The following CLMP variants were observed in gnomAD, a reference collection of about 807,000 sequenced individuals.
CLMP encodes CXADR like cell adhesion molecule, also known as CXADR-like membrane protein.
In CLMP, 27 loss-of-function variants were observed where a neutral mutation model predicts 45.2. That is an observed-to-expected ratio of 0.60 (90% CI 0.44 to 0.82). The LOEUF is 0.82. Among genes scored for constraint, CLMP ranks in the 40% least tolerant of loss-of-function variants. CLMP has a pLI of 0.00. For missense variants in CLMP, 403 were observed against 448.4 expected, an observed-to-expected ratio of 0.90 and a Z score of 0.91; for synonymous variants, 167 against 171.4, an observed-to-expected ratio of 0.97 and a Z score of 0.20.
chr11:123,181,946 C>T (rs539918507), intron 1 of CLMP, among the ~76,000 whole-genome samples: 2 of 152,296 alleles, frequency 1.3e-5, no homozygotes, highest in South Asian at 4.1e-4. Context: ...TTTGGGCTCC[C>T]TACTGGGCAT....
At chr11:123,080,726 A>G (rs1865794970) in intron 5 of CLMP, among the ~76,000 whole-genome samples, 1 of 152,262 alleles carries the variant, frequency 6.6e-6, no homozygotes, top group Non-Finnish European at 1.5e-5. Flanking sequence ...ATATAAATAC[A>G]TAATAAAGAA....
intron 2 of CLMP, among the ~76,000 whole-genome samples, chr11:123,085,684 A>G (rs1164485219): frequency 6.6e-6 from 1 of 150,970 alleles, no homozygotes; most frequent in Non-Finnish European, 1.5e-5. Flanking sequence ...GACAGAACTC[A>G]CAGTTACCCC....
chr11:123,188,532 G>A (rs140797577), intron 1 of CLMP, among the ~76,000 whole-genome samples: 21 of 151,526 alleles, frequency 1.4e-4, no homozygotes, highest in Non-Finnish European at 2.2e-4. Flanking sequence ...CCTTGCTGCC[G>A]CTCTTTACAA....
chr11:123,189,607 T>C (rs933710085), intron 1 of CLMP, among the ~76,000 whole-genome samples: 25 of 152,140 alleles, frequency 1.6e-4, no homozygotes, highest in Admixed American at 5.9e-4. Context: ...AATATATACA[T>C]CTCATATTTC....
intron 5 of CLMP, 118 bp from the exon 6 acceptor site, chr11:123,074,961 T>TTTG (rs1865719792): frequency 1.8e-6 from 2 of 1,099,920 alleles, no homozygotes; most frequent in African/African-American, 4.5e-5. Flanking sequence ...TTTGTTTTGT[T>TTTG]TTTTTTTTTT....
At chr11:123,088,580 G>A (rs971689321) in intron 2 of CLMP, among the ~76,000 whole-genome samples, 21 of 151,904 alleles carry the variant, frequency 1.4e-4, no homozygotes, top group African/African-American at 5.1e-4. Flanking sequence ...TTGACAGGTG[G>A]GTGACCTTTT....
intron 1 of CLMP, among the ~76,000 whole-genome samples, chr11:123,118,942 TTTCTTTCTTTCTTTCTTTC>T (rs1860756945): frequency 1.9e-4 from 3 of 16,188 alleles, no homozygotes; most frequent in Non-Finnish European, 3.9e-4. Flanking sequence ...TCTTTCTTTC[TTTCTTTCTTTCTTTCTTTC>T]TTTCTTTCTT....
chr11:123,126,444 G>A (rs1218988704), intron 1 of CLMP, among the ~76,000 whole-genome samples: 1 of 152,020 alleles, frequency 6.6e-6, no homozygotes, highest in Non-Finnish European at 1.5e-5. Flanking sequence ...TTTTTGTAGA[G>A]ACGGGAGTCT....
At position 123,071,434 on chromosome 11, in the gene CLMP, C is replaced by CA. The variant is rs904481295; in HGVS notation, c.*2039dup. 15 of 146,538 alleles carry CA rather than the reference C, an allele frequency of 1.0e-4. No homozygotes were observed. The highest frequency in any genetic ancestry group is 1.8e-4 in the African/African-American group (7 of 39,824). 9.1% of individuals were successfully genotyped at this position (146,538 alleles called of 1,614,324 possible). A position where few individuals can be genotyped will look rare whatever the true frequency, so the allele number is the denominator to read the frequency against. On this transcript the variant is annotated 3_prime_UTR_variant, in exon 7 of 7. Transcript: ENST00000448775. ...GCGTGATGAGAGCAAGACTGCATCTCAAAAAAAAAAGTATTCTGAGCCAGG... is the reference window on the plus strand; with the variant it reads ...GCGTGATGAGAGCAAGACTGCATCTCAAAAAAAAAAAGTATTCTGAGCCAGG...
chr11:123,136,206 C>A, intron 1 of CLMP: 1 of 644,158 alleles, frequency 1.6e-6, no homozygotes, highest in African/African-American at 1.8e-5. Flanking sequence ...GCAAACCAGC[C>A]AGGAACACCA....
At chr11:123,142,878 G>A (rs1399409839) in intron 1 of CLMP, among the ~76,000 whole-genome samples, 5 of 150,836 alleles carry the variant, frequency 3.3e-5, no homozygotes, top group African/African-American at 4.9e-5. Context: ...CACCCACCTC[G>A]GCCTCCCAAA....
chr11:123,136,679 T>C (rs932655534), intron 1 of CLMP, among the ~76,000 whole-genome samples: 39 of 144,754 alleles, frequency 2.7e-4, no homozygotes, highest in African/African-American at 1.0e-3. Flanking sequence ...GCGATTCTCC[T>C]CCCTCAACCT....
intron 2 of CLMP, among the ~76,000 whole-genome samples, chr11:123,092,389 C>T (rs1442772020): frequency 6.6e-6 from 1 of 152,162 alleles, no homozygotes; most frequent in Non-Finnish European, 1.5e-5. Flanking sequence ...CCTCCACCTC[C>T]CGGGTTCAAG....
rs184528785 is a variant in CLMP at position 123,170,521 on chromosome 11, C to T, written c.28+24392G>A. Among the ~76,000 whole-genome samples the T allele has an allele frequency of 2.1e-4, 31 of 150,540 alleles. No individual in the cohort carries two copies. In the East Asian group the frequency reaches 5.7e-3, roughly 28 times the overall value. On this transcript the variant is annotated intron_variant, in intron 1 of 6. Transcript: ENST00000448775. ...GTGGCACGATCTTGGCTCACTGCAA[C>T]CTCCACCTCCCAGGATCAAGTGATT...
At chr11:123,083,297 C>T (rs527836985) in intron 4 of CLMP, 90 bp from the exon 5 acceptor site, 44 of 1,197,042 alleles carry the variant, frequency 3.7e-5, no homozygotes, top group Non-Finnish European at 4.8e-5. Flanking sequence ...GCTGAGATTC[C>T]GTAATGCTAT....
At chr11:123,109,350 A>G (rs887353376) in intron 1 of CLMP, among the ~76,000 whole-genome samples, 1 of 152,186 alleles carries the variant, frequency 6.6e-6, no homozygotes, top group Non-Finnish European at 1.5e-5. Flanking sequence ...CGTGACTCAA[A>G]TGTTATCATT....
intron 1 of CLMP, among the ~76,000 whole-genome samples, chr11:123,150,480 A>AAAGAAAGGAAGAAAGGAAGGAAGG (rs764502298): frequency 7.3e-5 from 3 of 40,988 alleles, no homozygotes; most frequent in Non-Finnish European, 1.4e-4. Context: ...AGAAAGAAAG[A>AAAGAAAGGAAGAAAGGAAGGAAGG]AAGGAAGGAA....
At chr11:123,110,672 G>C (rs180967541) in intron 1 of CLMP, among the ~76,000 whole-genome samples, 2 of 152,136 alleles carry the variant, frequency 1.3e-5, no homozygotes, top group African/African-American at 4.8e-5. Context: ...AGCTGCGGGC[G>C]TCAGTCAAGG....
intron 1 of CLMP, among the ~76,000 whole-genome samples, chr11:123,100,336 G>A (rs1591457121): frequency 6.6e-6 from 1 of 151,076 alleles, no homozygotes; most frequent in Non-Finnish European, 1.5e-5. Context: ...AGCCGAGATC[G>A]CACCATTGCA....
Sources: gnomAD v4.1 joint callset for allele counts (sites outside exome capture counted in the v4.1 genomes callset) on GRCh38, gnomAD v4.1.1 for gene constraint, MANE v1.5 for transcripts, NCBI Gene and HGNC (gene_info 2026-07-23, HGNC 2026-07-21) for gene names.